Variants in MRPL37 observed in about 807,000 individuals in gnomAD.
MRPL37 encodes mitochondrial ribosomal protein L37.
Under a neutral mutation model 44.1 loss-of-function variants are expected in MRPL37, and 34 were observed. The ratio of observed to expected loss-of-function variants is 0.77; its 90% CI spans 0.59 to 1.03. The LOEUF (loss-of-function observed/expected upper bound fraction) is 1.03. Ranked by LOEUF, MRPL37 falls within the 50% of genes least tolerant of loss-of-function variation. The pLI is 0.00. For synonymous variants in MRPL37, 212 were observed against 219.5 expected, an observed-to-expected ratio of 0.97 and a Z score of 0.30; for missense variants, 532 against 543.7, an observed-to-expected ratio of 0.98 and a Z score of 0.21.
intron 1 of MRPL37, among the ~76,000 whole-genome samples, chr1:54,201,262 G>A (rs1228839527): frequency 1.3e-5 from 2 of 152,200 alleles, no homozygotes; most frequent in Non-Finnish European, 2.9e-5. Flanking sequence ...TATTTTCCAA[G>A]GAGTGATTAG....
intron 6 of MRPL37, among the ~76,000 whole-genome samples, 183 bp from the exon 7 acceptor site, chr1:54,217,989 G>T (rs576821936): frequency 6.6e-6 from 1 of 152,320 alleles, no homozygotes; most frequent in Non-Finnish European, 1.5e-5. Context: ...GAAGGGGGCT[G>T]GGAATGCTTC....
At chr1:54,209,241 C>T (rs1473465285) in intron 3 of MRPL37, among the ~76,000 whole-genome samples, 1 of 152,164 alleles carries the variant, frequency 6.6e-6, no homozygotes, top group East Asian at 1.9e-4. Context: ...AGGCTTCGCT[C>T]CCCAGAGACC....
intron 6 of MRPL37, among the ~76,000 whole-genome samples, chr1:54,216,722 T>C (rs1414509094): frequency 6.6e-6 from 1 of 152,142 alleles, no homozygotes; most frequent in Non-Finnish European, 1.5e-5. Context: ...TTAGCATAAG[T>C]GTTTCTTATT....
chr1:54,218,366 C>A lies in MRPL37; in HGVS notation c.*117C>A. Reference sequence around the variant, plus strand: ...TGCTGCTCTCGCTGACAATAAAGAGCCCTTGCGTTGCACTGAAGCCTGTGT... The same window carrying A: ...TGCTGCTCTCGCTGACAATAAAGAGACCTTGCGTTGCACTGAAGCCTGTGT... On this transcript the variant is annotated 3_prime_UTR_variant, in exon 7 of 7. Coordinates refer to ENST00000360840, the MANE Select transcript of MRPL37 (RefSeq NM_016491.4). 6.4e-7 allele frequency: 1 copy of A among 1,569,904 alleles called. No individual in the cohort carries two copies. Among genetic ancestry groups the A allele is most frequent in the Non-Finnish European group, 8.6e-7 (1 of 1,163,444 alleles).
chr1:54,210,083 A>T lies in MRPL37; in HGVS notation c.784A>T (p.Ile262Phe). 1 of 1,614,158 alleles carries T rather than the reference A, an allele frequency of 6.2e-7. No homozygotes were observed. ...AGAGACCTTCTACCCCATATCACCC[A>T]TCATCGATCTTCATGAATGCAATAT... ...VLETFYPISP[I>F]IDLHECNIYD... Residue 262 changes from isoleucine (I) to phenylalanine (F), a missense_variant, in exon 4 of 7, where the codon ATC becomes TTC. Coordinates refer to ENST00000360840, the MANE Select transcript of MRPL37 (RefSeq NM_016491.4).
chr1:54,208,733 C>CAAA (rs1378605055), intron 3 of MRPL37, among the ~76,000 whole-genome samples: 1 of 152,032 alleles, frequency 6.6e-6, no homozygotes, highest in Non-Finnish European at 1.5e-5. Flanking sequence ...AGTGCTTTTC[C>CAAA]CCCTTTCTTT....
chr1:54,218,618 C>G (rs879768190), downstream of MRPL37, among the ~76,000 whole-genome samples: 3 of 152,124 alleles, frequency 2.0e-5, no homozygotes, highest in Non-Finnish European at 4.4e-5. Flanking sequence ...ATGGCAGATA[C>G]GCTGATGGTC....
intron 3 of MRPL37, among the ~76,000 whole-genome samples, chr1:54,208,947 C>A (rs35848030): frequency 0.013 from 1,932 of 152,208 alleles, 41 homozygotes; most frequent in African/African-American, 0.044. Context: ...TCCCTCCCCC[C>A]ACTCCGCCAA....
downstream of MRPL37, chr1:54,220,504 GTTT>G (rs1320770684): frequency 2.6e-6 from 1 of 377,968 alleles, no homozygotes; most frequent in African/African-American, 2.1e-5. Context: ...AGGACTGGCG[GTTT>G]TTTTTATTGT....
rs1222888917 is a variant in MRPL37, at chr1:54,212,542, T to C, written c.874T>C (p.Tyr292His). 8.1e-6 allele frequency: 13 copies of C among 1,614,204 alleles called. No individual in the cohort carries two copies. The highest frequency in any genetic ancestry group is 1.1e-5 in the Non-Finnish European group (13 of 1,180,042). ...TCCTTACCCCTATCCCCATACCCTG[T>C]ACTTACTGGACAAAGCCAATTTACG... Reference protein sequence around the residue: ...GYPYPYPHTLYLLDKANLRPH... With the variant: ...GYPYPYPHTLHLLDKANLRPH... The change falls in exon 5 of 7, where the codon TAC becomes CAC. Residue 292 changes from tyrosine (Y) to histidine (H), a missense_variant. Tyr to His is a moderately conservative substitution (Grantham distance 83). Coordinates refer to ENST00000360840, the MANE Select transcript of MRPL37 (RefSeq NM_016491.4).
intron 1 of MRPL37, among the ~76,000 whole-genome samples, chr1:54,202,753 A>G (rs1644093784): frequency 2.0e-5 from 3 of 152,124 alleles, no homozygotes; most frequent in Non-Finnish European, 4.4e-5. Context: ...AGCCTCCCAG[A>G]GTGCTGAGGT....
At chr1:54,203,101 G>A (rs1004212426) in intron 1 of MRPL37, among the ~76,000 whole-genome samples, 3 of 152,150 alleles carry the variant, frequency 2.0e-5, no homozygotes, top group Non-Finnish European at 4.4e-5. Context: ...TTTCTTTAAT[G>A]TTTAAAGACT....
chr1:54,210,044 A>T lies in MRPL37; in HGVS notation c.745A>T (p.Lys249Ter). The T allele has an allele frequency of 1.2e-6, 2 of 1,614,168 alleles. No individual in the cohort carries two copies. Among genetic ancestry groups the T allele is most frequent in the Non-Finnish European group, 1.7e-6 (2 of 1,180,022 alleles). ...CTCCAGAGAGGAGATTGAAGCTACTAAGAATCATGTTCTAGAGACCTTCTA... is the reference window on the plus strand; with the variant it reads ...CTCCAGAGAGGAGATTGAAGCTACTTAGAATCATGTTCTAGAGACCTTCTA... ...IASREEIEAT[K>*]NHVLETFYPI... Residue 249 changes from lysine (K) to a stop codon, truncating the protein, a stop_gained, in exon 4 of 7, where the codon AAG becomes TAG. Transcript: ENST00000360840. LOFTEE classifies it high-confidence loss of function.
intron 6 of MRPL37, 41 bp downstream of exon 6, chr1:54,216,385 C>T: frequency 2.5e-6 from 4 of 1,598,246 alleles, no homozygotes; most frequent in Admixed American, 1.7e-5. Context: ...GAGGGCCATG[C>T]CTCCTCCTAC....
At chr1:54,222,769 C>G (rs1644244673), downstream of MRPL37, among the ~76,000 whole-genome samples, 1 of 152,172 alleles carries the variant, frequency 6.6e-6, no homozygotes, top group African/African-American at 2.4e-5. Context: ...TCAGACCTGC[C>G]TACTTGATGT....
At chr1:54,203,251 C>T (rs1409274909) in intron 1 of MRPL37, among the ~76,000 whole-genome samples, 1 of 152,142 alleles carries the variant, frequency 6.6e-6, no homozygotes, top group African/African-American at 2.4e-5. Context: ...ACCTCCTGGG[C>T]TCAAGTCATC....
downstream of MRPL37, chr1:54,218,417 G>A: frequency 6.8e-7 from 1 of 1,466,236 alleles, no homozygotes; most frequent in East Asian, 2.4e-5. Context: ...CATCGGGAAG[G>A]GCGCCCACAC....
chr1:54,206,820 C>T (rs965444163), intron 3 of MRPL37, among the ~76,000 whole-genome samples: 2 of 151,838 alleles, frequency 1.3e-5, no homozygotes, highest in East Asian at 1.9e-4. Flanking sequence ...CTGCAACCTC[C>T]GCATCCTGGG....
rs373004778 is a variant in MRPL37, at chr1:54,200,407, T to G, written c.164T>G (p.Leu55Arg). The G allele has an allele frequency of 4.1e-5, 66 of 1,614,100 alleles. No individual in the cohort carries two copies. Among genetic ancestry groups the G allele is most frequent in the Non-Finnish European group, 5.3e-5 (62 of 1,180,048 alleles). The part of the protein sequence containing the change: ...PLDRVYEIPG[L>R]EPITFAGKMH... ...GATAGGGTGTACGAGATCCCTGGAC[T>G]GGAGCCCATCACCTTTGCGGGGAAG... is the stretch of plus-strand genomic sequence containing the variant. Residue 55 changes from leucine (L) to arginine (R), a missense_variant, in exon 1 of 7, where the codon CTG becomes CGG. Leu to Arg is a moderately radical substitution (Grantham distance 102). Transcript: ENST00000360840.
Sources: gnomAD v4.1 joint callset for allele counts (sites outside exome capture counted in the v4.1 genomes callset) on GRCh38, gnomAD v4.1.1 for gene constraint, MANE v1.5 for transcripts, NCBI Gene and HGNC (gene_info 2026-07-23, HGNC 2026-07-21) for gene names.